The following CCNY variants were observed in gnomAD, a reference collection of about 807,000 sequenced individuals.
CCNY encodes the protein cyclin-Y.
In CCNY, 19 loss-of-function variants were observed where a neutral mutation model predicts 42.8. The observed-to-expected ratio is 0.44, with a 90% CI of 0.31 to 0.65. The LOEUF (loss-of-function observed/expected upper bound fraction) is 0.65, where lower values mean the gene tolerates loss of function less well. CCNY is among the 30% of genes least tolerant of loss of function. CCNY has a pLI of 0.07. For synonymous variants in CCNY, 165 were observed against 162.7 expected (o/e 1.01, Z -0.11); for missense variants, 370 against 437.3 (o/e 0.85, Z 1.37).
chr10:35,412,989 A>G (rs1837946859), intron 1 of CCNY, among the ~76,000 whole-genome samples: 1 of 151,726 alleles, frequency 6.6e-6, no homozygotes, highest in Non-Finnish European at 1.5e-5. Context: ...CCTGGGGGCC[A>G]TGTTTTGCTT....
At chr10:35,353,667 CCTTT>C (rs780463734) in intron 1 of CCNY, among the ~76,000 whole-genome samples, 1 of 152,180 alleles carries the variant, frequency 6.6e-6, no homozygotes, top group Non-Finnish European at 1.5e-5. Flanking sequence ...GGGGTCAGAT[CCTTT>C]CACTGCAACA....
Position 35,516,624 on chromosome 10 carries a change from G to GTGGGTATA in CCNY, c.365+5_365+12dup. 1 of 1,504,402 alleles carries GTGGGTATA rather than the reference G, an allele frequency of 6.6e-7. No individual in the cohort carries two copies. Among genetic ancestry groups the GTGGGTATA allele is most frequent in the Non-Finnish European group, 9.2e-7 (1 of 1,086,682 alleles). The allele number at this position is 1,504,402 out of a possible 1,614,324, so 93.2% of individuals were successfully genotyped here. ...CAAACCTCAAGTATACAATTAAATG[G>GTGGGTATA]TGGGTATATGGATTTATTTCCTTCC... On this transcript the variant is annotated splice_donor_variant, in intron 4 of 9. Transcript: ENST00000374704. LOFTEE classifies it high-confidence loss of function.
chr10:35,449,837 T>C (rs1228721933), intron 1 of CCNY: 5 of 983,300 alleles, frequency 5.1e-6, no homozygotes, highest in Non-Finnish European at 6.0e-6. Context: ...CAGGGAGTGT[T>C]GGAGGTTGGG....
chr10:35,255,587 C>G (rs1308939658), intron 3 of CCNY, among the ~76,000 whole-genome samples: 1 of 151,934 alleles, frequency 6.6e-6, no homozygotes, highest in Non-Finnish European at 1.5e-5. Flanking sequence ...CATGAGCCAC[C>G]ACACCCAACA....
At chr10:35,399,812 C>T (rs983186433) in intron 1 of CCNY, among the ~76,000 whole-genome samples, 3 of 152,044 alleles carry the variant, frequency 2.0e-5, no homozygotes, top group African/African-American at 4.8e-5. Flanking sequence ...CAGTGCCATG[C>T]GGGGGAGAAA....
chr10:35,510,156 A>G (rs1180527649), intron 3 of CCNY, among the ~76,000 whole-genome samples: 1 of 152,206 alleles, frequency 6.6e-6, no homozygotes, highest in East Asian at 1.9e-4. Context: ...TTTCATTTAT[A>G]TCACTTCTTT....
At chr10:35,500,474 A>G (rs1414012813) in intron 2 of CCNY, among the ~76,000 whole-genome samples, 2 of 152,170 alleles carry the variant, frequency 1.3e-5, no homozygotes, top group Non-Finnish European at 2.9e-5. Flanking sequence ...AACAGTAGTG[A>G]ATCTTCTTTG....
intron 7 of CCNY, among the ~76,000 whole-genome samples, chr10:35,535,069 A>G (rs748721932): frequency 6.7e-6 from 1 of 149,278 alleles, no homozygotes; most frequent in Non-Finnish European, 1.5e-5. Context: ...TGCAGCCCTA[A>G]TCCCTGTTGG....
chr10:35,470,610 G>A (rs1839373471), intron 1 of CCNY, among the ~76,000 whole-genome samples: 1 of 152,222 alleles, frequency 6.6e-6, no homozygotes, highest in Non-Finnish European at 1.5e-5. Context: ...TAAACTTGAA[G>A]TCAGTGGGAG....
intron 3 of CCNY, among the ~76,000 whole-genome samples, chr10:35,274,029 A>G (rs976007412): frequency 6.6e-6 from 1 of 152,138 alleles, no homozygotes; most frequent in African/African-American, 2.4e-5. Context: ...TGCCATGTGT[A>G]TTAGTCTGTT....
chr10:35,442,891 A>G (rs537990220), intron 1 of CCNY, among the ~76,000 whole-genome samples: 16 of 152,326 alleles, frequency 1.1e-4, no homozygotes, highest in African/African-American at 2.9e-4. Context: ...ACAAATCTAG[A>G]TGGTCTAACC....
intron 1 of CCNY, among the ~76,000 whole-genome samples, chr10:35,365,647 G>T (rs1836793055): frequency 6.6e-6 from 1 of 152,138 alleles, no homozygotes; most frequent in Admixed American, 6.5e-5. Flanking sequence ...TGCCAGTTTA[G>T]TATGGTATTA....
chr10:35,456,467 T>C (rs1281349366), intron 1 of CCNY, among the ~76,000 whole-genome samples: 1 of 152,270 alleles, frequency 6.6e-6, no homozygotes, highest in Admixed American at 6.5e-5. Flanking sequence ...GATCATTGAT[T>C]GCACAGGATT....
At chr10:35,567,666 A>G (rs1324516946) in intron 9 of CCNY, among the ~76,000 whole-genome samples, 2 of 152,178 alleles carry the variant, frequency 1.3e-5, no homozygotes, top group African/African-American at 4.8e-5. Context: ...AACTGGGAGA[A>G]GAAACCTGTT....
chr10:35,270,424 C>T (rs1199321236), intron 3 of CCNY, among the ~76,000 whole-genome samples: 1 of 152,178 alleles, frequency 6.6e-6, no homozygotes, highest in Non-Finnish European at 1.5e-5. Context: ...CCAATGTGTC[C>T]TCCATGACTC....
At chr10:35,279,996 T>C (rs1485794648) in intron 3 of CCNY, among the ~76,000 whole-genome samples, 1 of 152,210 alleles carries the variant, frequency 6.6e-6, no homozygotes, top group Non-Finnish European at 1.5e-5. Flanking sequence ...TCCATTTCCA[T>C]TAAATTTTTG....
At chr10:35,476,886 C>G (rs1294707276) in intron 1 of CCNY, among the ~76,000 whole-genome samples, 1 of 152,134 alleles carries the variant, frequency 6.6e-6, no homozygotes, top group Non-Finnish European at 1.5e-5. Context: ...TGATAGACCA[C>G]TAGCAAGACT....
At chr10:35,493,795 A>T (rs1033140243) in intron 2 of CCNY, among the ~76,000 whole-genome samples, 2 of 152,208 alleles carry the variant, frequency 1.3e-5, no homozygotes, top group Non-Finnish European at 2.9e-5. Flanking sequence ...TGCATAATCC[A>T]TCAAAGCACC....
chr10:35,327,189 GAAA>G lies in CCNY; in HGVS notation c.-9+76569_-9+76571del, dbSNP rs557469468. 4.6e-5 allele frequency among the ~76,000 whole-genome samples: 7 copies of G among 151,834 alleles called. No homozygotes were observed. In the South Asian group the frequency reaches 1.5e-3, roughly 32 times the overall value. ...AAAAAAGAAAAAAGAAGGAACAGAG[GAAA>G]AAAAAGTCAACTAAGTTAATCACTG... is the stretch of plus-strand genomic sequence containing the variant. On this transcript the variant is annotated intron_variant, in intron 3 of 11. Transcript: ENST00000374706.
Sources: allele counts gnomAD v4.1 joint callset (sites outside exome capture counted in the v4.1 genomes callset), GRCh38; gene constraint gnomAD v4.1.1; transcripts MANE v1.5; gene names NCBI Gene and HGNC (gene_info 2026-07-23, HGNC 2026-07-21).